Variants in NXN observed in about 807,000 individuals in gnomAD.
NXN encodes nucleoredoxin 1.
NXN carries 16 observed loss-of-function variants against 48.6 expected under a neutral mutation model. The observed-to-expected ratio is 0.33, with a 90% confidence interval of 0.22 to 0.50. The LOEUF is 0.50. Ranked by LOEUF, NXN falls within the 20% of genes least tolerant of loss-of-function variation. The pLI is 0.98. For missense variants in NXN, 492 were observed against 605.5 expected, an observed-to-expected ratio of 0.81 and a Z score of 1.97; for synonymous variants, 281 against 269.6, an observed-to-expected ratio of 1.04 and a Z score of -0.41.
intron 1 of NXN, chr17:877,757 G>A (rs1405651149): frequency 1.3e-5 from 2 of 152,258 alleles, no homozygotes; most frequent in Non-Finnish European, 1.5e-5. Context: ...AGCGACTGAA[G>A]AGGAAAGGCC....
chr17:804,234 G>C (rs918773149), intron 6 of NXN, among the ~76,000 whole-genome samples: 1 of 151,324 alleles, frequency 6.6e-6, no homozygotes, highest in African/African-American at 2.4e-5. Flanking sequence ...AAGAACTGGT[G>C]GTGAGCGGGA....
chr17:834,706 GA>G, intron 1 of NXN, among the ~76,000 whole-genome samples: 1 of 151,910 alleles, frequency 6.6e-6, no homozygotes, highest in African/African-American at 2.4e-5. Flanking sequence ...TTTTAGTAGA[GA>G]TGGGGTTTCA....
At chr17:805,388 GC>G in intron 5 of NXN, 141 bp from the exon 6 acceptor site, 1 of 901,534 alleles carries the variant, frequency 1.1e-6, no homozygotes, top group Non-Finnish European at 1.6e-6. Context: ...CAATGAAGAG[GC>G]CAGGTCTAAA....
At chr17:848,562 G>A (rs1004497903) in intron 1 of NXN, among the ~76,000 whole-genome samples, 2 of 152,224 alleles carry the variant, frequency 1.3e-5, no homozygotes, top group Non-Finnish European at 1.5e-5. Flanking sequence ...TTAGATGGGC[G>A]TTTCCATCAA....
At chr17:827,003 T>C (rs1055514362) in intron 1 of NXN, among the ~76,000 whole-genome samples, 6 of 152,288 alleles carry the variant, frequency 3.9e-5, no homozygotes, top group Admixed American at 3.3e-4. Flanking sequence ...GAACGCCATA[T>C]GGGCAGGTGA....
intron 1 of NXN, among the ~76,000 whole-genome samples, chr17:946,106 G>A (rs2150611306): frequency 6.6e-6 from 1 of 152,212 alleles, no homozygotes; most frequent in Middle Eastern, 3.4e-3. Context: ...AGGAGTTGAT[G>A]TATTCTAGGC....
chr17:908,150 G>C (rs936555515), intron 1 of NXN: 10 of 152,232 alleles, frequency 6.6e-5, no homozygotes, highest in Non-Finnish European at 1.5e-4. Flanking sequence ...CCCCAGAGAC[G>C]GCTCACAGTA....
At chr17:916,628 T>C (rs1335429625) in intron 1 of NXN, among the ~76,000 whole-genome samples, 1 of 152,164 alleles carries the variant, frequency 6.6e-6, no homozygotes, top group African/African-American at 2.4e-5. Context: ...CTCAGGATTT[T>C]AACATTAAGC....
intron 1 of NXN, among the ~76,000 whole-genome samples, chr17:846,737 G>A (rs540989457): frequency 6.6e-6 from 1 of 152,160 alleles, no homozygotes. Flanking sequence ...TGTCTGTAAT[G>A]AGCCAGAAAG....
intron 1 of NXN, among the ~76,000 whole-genome samples, chr17:931,783 T>C (rs62067214): frequency 4.7e-5 from 6 of 128,726 alleles, no homozygotes; most frequent in African/African-American, 1.5e-4. Context: ...TGCAGTGAGC[T>C]GAGATCACGC....
intron 1 of NXN, among the ~76,000 whole-genome samples, chr17:885,915 C>G (rs1321052238): frequency 6.6e-6 from 1 of 151,688 alleles, no homozygotes; most frequent in Non-Finnish European, 1.5e-5. Context: ...GTCTCGATCT[C>G]CTGACCTCGT....
At chr17:861,891 A>G (rs938051255) in intron 1 of NXN, among the ~76,000 whole-genome samples, 4 of 151,724 alleles carry the variant, frequency 2.6e-5, no homozygotes, top group Admixed American at 6.6e-5. Flanking sequence ...GTGCAGTGGC[A>G]TGATCTCAGC....
intron 5 of NXN, among the ~76,000 whole-genome samples, chr17:814,351 T>A (rs1195503906): frequency 6.6e-6 from 1 of 152,114 alleles, no homozygotes; most frequent in African/African-American, 2.4e-5. Flanking sequence ...CCACCAGCAA[T>A]ACCGGCAACC....
At chr17:850,103 G>A (rs1211683186) in intron 1 of NXN, among the ~76,000 whole-genome samples, 2 of 152,080 alleles carry the variant, frequency 1.3e-5, no homozygotes, top group African/African-American at 4.8e-5. Flanking sequence ...CAGGTACGTG[G>A]GTCTGTGTGT....
chr17:891,700 A>G (rs964119654), intron 1 of NXN, among the ~76,000 whole-genome samples: 1 of 152,216 alleles, frequency 6.6e-6, no homozygotes, highest in Non-Finnish European at 1.5e-5. Flanking sequence ...TAACCTCACC[A>G]TGCACAGCCC....
At chr17:933,030 C>T (rs1174381620) in intron 1 of NXN, among the ~76,000 whole-genome samples, 1 of 152,152 alleles carries the variant, frequency 6.6e-6, no homozygotes, top group African/African-American at 2.4e-5. Context: ...AAGGCTGTGG[C>T]CCGAAGCTCC....
chr17:975,899 C>T (rs1296399900), intron 1 of NXN, among the ~76,000 whole-genome samples: 1 of 152,232 alleles, frequency 6.6e-6, no homozygotes, highest in African/African-American at 2.4e-5. Flanking sequence ...CACATTCCTT[C>T]TCTCTAGAAA....
intron 5 of NXN, among the ~76,000 whole-genome samples, chr17:812,062 G>A (rs1367046418): frequency 1.3e-5 from 2 of 151,146 alleles, no homozygotes; most frequent in East Asian, 1.9e-4. Flanking sequence ...CGAGTAGCTG[G>A]GACTACAGGC....
chr17:855,413 G>A (rs1432420132), intron 1 of NXN, among the ~76,000 whole-genome samples: 1 of 152,204 alleles, frequency 6.6e-6, no homozygotes, highest in African/African-American at 2.4e-5. Context: ...GGAAGTAAAT[G>A]TTTTCCACCC....
Sources: gnomAD v4.1 joint callset for allele counts (sites outside exome capture counted in the v4.1 genomes callset) on GRCh38, gnomAD v4.1.1 for gene constraint, MANE v1.5 for transcripts, NCBI Gene and HGNC (gene_info 2026-07-23, HGNC 2026-07-21) for gene names.